The following DYSF variants were observed in gnomAD, a reference collection of about 807,000 sequenced individuals.
DYSF encodes the protein dystrophy-associated fer-1-like 1.
In DYSF, 212 loss-of-function variants were observed where a neutral mutation model predicts 274.9. The observed-to-expected ratio is 0.77, with a 90% confidence interval of 0.69 to 0.86. DYSF has a LOEUF of 0.86. Among genes scored for constraint, DYSF ranks in the 40% least tolerant of loss-of-function variants. The probability of loss-of-function intolerance (pLI) is 0.00; values close to 1 mark genes in which losing one functional copy is unlikely to be tolerated. For synonymous variants in DYSF, 1,091 were observed against 1,078.7 expected, an observed-to-expected ratio of 1.01 and a Z score of -0.22; for missense variants, 2,666 against 2,783.2, an observed-to-expected ratio of 0.96 and a Z score of 0.95.
In DYSF at chr2:71,596,276, C is replaced by T. The variant is rs1485560146; in HGVS notation, c.3575-2288C>T. Among the ~76,000 whole-genome samples the T allele has an allele frequency of 5.9e-5, 9 of 152,142 alleles. No individual in the cohort carries two copies. In the South Asian group the frequency reaches 6.2e-4, roughly 11 times the overall value. ...AGGAGTCAGCCTGCTCGGGGGCCAG[C>T]GTGGGGGGTGCTGCCAACACCAATA... On this transcript the variant is annotated intron_variant, in intron 32 of 55. Transcript: ENST00000410020.
rs2092896903 is a variant in DYSF at position 71,581,446 on chromosome 2, T to A, written c.3402+7075T>A. On this transcript the variant is annotated intron_variant, in intron 30 of 55. Transcript: ENST00000410020. ...CTGTGTGTTCCTGTGTTCCGTTCTGTCTTTTAAAGGGTTCCCCTCCTTTGG... is the reference window on the plus strand; with the variant it reads ...CTGTGTGTTCCTGTGTTCCGTTCTGACTTTTAAAGGGTTCCCCTCCTTTGG... Among the ~76,000 whole-genome samples, 4 of 152,246 alleles carry A rather than the reference T, an allele frequency of 2.6e-5. No individual in the cohort carries two copies. In the South Asian group the frequency reaches 8.3e-4, roughly 31 times the overall value.
intron 42 of DYSF, among the ~76,000 whole-genome samples, chr2:71,650,640 T>A (rs1387374264): frequency 6.6e-6 from 1 of 152,134 alleles, no homozygotes; most frequent in African/African-American, 2.4e-5. Context: ...AAGAAAACTT[T>A]AATAAATTTC....
At chr2:71,524,348 C>T (rs574685576) in intron 12 of DYSF, among the ~76,000 whole-genome samples, 98 of 152,292 alleles carry the variant, frequency 6.4e-4, no homozygotes, top group African/African-American at 2.1e-3. Flanking sequence ...TTGCCTAGTA[C>T]GGCAGGTCTT....
intron 1 of DYSF, among the ~76,000 whole-genome samples, chr2:71,468,981 G>A (rs549534341): frequency 1.3e-5 from 2 of 152,150 alleles, no homozygotes; most frequent in Non-Finnish European, 2.9e-5. Context: ...GACATGGTCC[G>A]CTCACTTGAT....
intron 21 of DYSF, among the ~76,000 whole-genome samples, chr2:71,554,720 G>A (rs142094989): frequency 3.3e-5 from 5 of 152,304 alleles, no homozygotes; most frequent in African/African-American, 1.2e-4. Context: ...TGGGAAGCTG[G>A]GGAGAAGAGC....
At chr2:71,594,385 A>G (rs1574237888) in intron 32 of DYSF, among the ~76,000 whole-genome samples, 2 of 152,082 alleles carry the variant, frequency 1.3e-5, no homozygotes, top group South Asian at 4.2e-4. Context: ...AGTAAGAGAG[A>G]CTGGGAAACA....
At chr2:71,616,650 A>G (rs1457604870) in intron 40 of DYSF, among the ~76,000 whole-genome samples, 3 of 152,186 alleles carry the variant, frequency 2.0e-5, no homozygotes, top group East Asian at 3.8e-4. Context: ...GTCCTATTCC[A>G]TCTAGTTCTC....
chr2:71,620,457 G>C, intron 40 of DYSF, 90 bp from the exon 41 acceptor site: 2 of 1,362,684 alleles, frequency 1.5e-6, no homozygotes, highest in African/African-American at 2.9e-5. Flanking sequence ...GAGGGTGCCT[G>C]GTCAGAGAGC....
chr2:71,660,967 C>G (rs573566977), intron 45 of DYSF, among the ~76,000 whole-genome samples: 13 of 151,816 alleles, frequency 8.6e-5, no homozygotes, highest in African/African-American at 3.1e-4. Context: ...AAATAAAAAA[C>G]TTAGCCAGGC....
intron 31 of DYSF, 30 bp from the exon 32 acceptor site, chr2:71,590,181 C>T (rs993610922): frequency 1.9e-6 from 3 of 1,612,878 alleles, no homozygotes; most frequent in Admixed American, 1.7e-5. Flanking sequence ...GCCACTCACT[C>T]TGGCACCTCT....
At chr2:71,521,151 A>G (rs1208870924) in intron 12 of DYSF, among the ~76,000 whole-genome samples, 1 of 152,228 alleles carries the variant, frequency 6.6e-6, no homozygotes, top group Non-Finnish European at 1.5e-5. Context: ...CTCATTGCAC[A>G]TCCCTCTGGA....
At chr2:71,540,325 G>T (rs1164791595) in intron 17 of DYSF, among the ~76,000 whole-genome samples, 4 of 151,988 alleles carry the variant, frequency 2.6e-5, no homozygotes, top group African/African-American at 9.7e-5. Context: ...TGGCCAGGCT[G>T]GTCTCGAACT....
chr2:71,504,913 C>G (rs1054755173), intron 4 of DYSF, among the ~76,000 whole-genome samples: 5 of 152,226 alleles, frequency 3.3e-5, no homozygotes, highest in African/African-American at 9.6e-5. Context: ...CAGCGGGGAG[C>G]CTGCTGCCTT....
chr2:71,532,090 A>G (rs1487614773), intron 14 of DYSF, among the ~76,000 whole-genome samples: 1 of 152,182 alleles, frequency 6.6e-6, no homozygotes, highest in Non-Finnish European at 1.5e-5. Flanking sequence ...GTGTTGTCTC[A>G]TCTTTTCTTA....
intron 41 of DYSF, among the ~76,000 whole-genome samples, chr2:71,622,660 G>A (rs1018083390): frequency 6.6e-6 from 1 of 152,178 alleles, no homozygotes; most frequent in Non-Finnish European, 1.5e-5. Context: ...CCGTTGCCCA[G>A]GCTGGAGTGC....
rs2090938202 is a variant in DYSF, at chr2:71,551,475, G to T, written c.1693-132G>T. On this transcript the variant is annotated intron_variant, in intron 18 of 55. Transcript: ENST00000410020. ...CTGGGCCATGCTTTCCTCACCTGCA[G>T]GGGGGATGAGGTTGGCTGAGGGACC... 5.3e-6 allele frequency: 4 copies of T among 754,544 alleles called. No homozygotes were observed. The Admixed American group carries it at 8.5e-5, about 16-fold the overall frequency. The allele number at this position is 754,544 out of a possible 1,614,324, so 46.7% of individuals were successfully genotyped here.
intron 29 of DYSF, chr2:71,571,047 C>T: frequency 7.0e-6 from 3 of 426,960 alleles, no homozygotes; most frequent in East Asian, 4.4e-5. Flanking sequence ...TTACACCCAG[C>T]ACACACACAG....
At chr2:71,503,443 C>A in intron 4 of DYSF, 124 bp downstream of exon 4, 1 of 961,344 alleles carries the variant, frequency 1.0e-6, no homozygotes, top group Non-Finnish European at 1.6e-6. Flanking sequence ...GCAGGCCTGG[C>A]CCTCCCTGAC....
intron 30 of DYSF, among the ~76,000 whole-genome samples, chr2:71,575,327 G>A (rs1169343005): frequency 1.3e-5 from 2 of 152,198 alleles, no homozygotes; most frequent in African/African-American, 4.8e-5. Context: ...GCCCAACAGT[G>A]GCAGTATAGG....
Sources: allele counts gnomAD v4.1 joint callset (sites outside exome capture counted in the v4.1 genomes callset), GRCh38; gene constraint gnomAD v4.1.1; transcripts MANE v1.5; gene names NCBI Gene and HGNC (gene_info 2026-07-23, HGNC 2026-07-21).